The following OSR1 variants were observed in gnomAD, a reference collection of about 807,000 sequenced individuals.
OSR1 encodes the protein protein odd-skipped-related 1.
A neutral mutation model predicts 15.7 loss-of-function variants in OSR1; 3 were observed. The ratio of observed to expected loss-of-function variants is 0.19; its 90% CI spans 0.09 to 0.50. The LOEUF (loss-of-function observed/expected upper bound fraction) is 0.50. Ranked by LOEUF, OSR1 falls within the 20% of genes least tolerant of loss-of-function variation. OSR1 has a pLI of 0.97. For synonymous variants in OSR1, 166 were observed against 152.7 expected, an observed-to-expected ratio of 1.09 and a Z score of -0.64; for missense variants, 271 against 351.1, an observed-to-expected ratio of 0.77 and a Z score of 1.82.
At chr2:19,351,213 G>A (rs1008074249), downstream of OSR1, among the ~76,000 whole-genome samples, 4 of 152,176 alleles carry the variant, frequency 2.6e-5, no homozygotes, top group African/African-American at 9.6e-5. Flanking sequence ...TAGGTTCTTC[G>A]TAAACTCACA....
In OSR1 at chr2:19,353,215, G is replaced by A; in HGVS notation, c.591C>T (p.His197=). The change falls in exon 2 of 3, where the codon CAC becomes CAT. Residue 197 remains histidine, a synonymous_variant. Transcript: ENST00000272223. ...CACAGGTGTAGGGCCGCTCGTCGGT[G>A]TGCGTCCGCTCATGGATAAGTAGGT... ...SYNLLIHERT[H]TDERPYTCDI... 1 of 1,614,256 alleles carries A rather than the reference G, an allele frequency of 6.2e-7. No individual in the cohort carries two copies. Among genetic ancestry groups the A allele is most frequent in the Non-Finnish European group, 8.5e-7 (1 of 1,180,052 alleles).
chr2:19,347,911 G>A (rs912096691), downstream of OSR1, among the ~76,000 whole-genome samples: 2 of 152,218 alleles, frequency 1.3e-5, no homozygotes. Context: ...GGCTGGATGC[G>A]CCCGCCGGGC....
chr2:19,355,236 G>C (rs1664925074), intron 1 of OSR1: 1 of 152,346 alleles, frequency 6.6e-6, no homozygotes, highest in Non-Finnish European at 1.5e-5. Context: ...CTCTTGCCTA[G>C]CTTCAATCCC....
At chr2:19,355,005 G>T (rs1664921465) in intron 1 of OSR1, 1 of 152,260 alleles carries the variant, frequency 6.6e-6, no homozygotes, top group Admixed American at 6.5e-5. Flanking sequence ...CCTTGGCCAT[G>T]GTCTCCAGCC....
chr2:19,348,477 AT>A (rs1176508660), downstream of OSR1: 1 of 154,142 alleles, frequency 6.5e-6, no homozygotes. Flanking sequence ...GGAGGAGACC[AT>A]GACGTCACAG....
At chr2:19,353,064 T>G in intron 2 of OSR1, 77 bp downstream of exon 2, 3 of 1,534,318 alleles carry the variant, frequency 2.0e-6, no homozygotes, top group Non-Finnish European at 2.6e-6. Flanking sequence ...GTAGGGGGTC[T>G]CAAGAACCTC....
At chr2:19,347,120 G>A (rs1664746093), downstream of OSR1, among the ~76,000 whole-genome samples, 1 of 152,184 alleles carries the variant, frequency 6.6e-6, no homozygotes. Flanking sequence ...ATTTCAGGAT[G>A]CCTCTGTTAT....
At chr2:19,347,000 A>G (rs1664743804), downstream of OSR1, among the ~76,000 whole-genome samples, 1 of 152,142 alleles carries the variant, frequency 6.6e-6, no homozygotes, top group Non-Finnish European at 1.5e-5. Context: ...ACCAAACATA[A>G]CAATTTGTGA....
In OSR1 at chr2:19,352,221, C is replaced by T; in HGVS notation, c.*54G>A. ...GCCCGCCAGAGTCAGGCTTCTGGTC[C>T]CTATGGAGGAGAGGGCCGCTGGGCC... On this transcript the variant is annotated 3_prime_UTR_variant, in exon 3 of 3. Transcript: ENST00000272223. The T allele has an allele frequency of 6.3e-7, 1 of 1,583,824 alleles. No homozygotes were observed. The highest frequency in any genetic ancestry group is 8.6e-7 in the Non-Finnish European group (1 of 1,159,908).
At chr2:19,353,954 T>A in intron 1 of OSR1, 117 bp from the exon 2 acceptor site, 1 of 833,016 alleles carries the variant, frequency 1.2e-6, no homozygotes, top group Non-Finnish European at 1.8e-6. Context: ...GCGCAGGAGC[T>A]AAGAGTCTAA....
chr2:19,353,006 C>T, intron 2 of OSR1, 135 bp downstream of exon 2: 2 of 1,146,496 alleles, frequency 1.7e-6, no homozygotes, highest in Middle Eastern at 3.0e-4. Flanking sequence ...CCTAGGCTTT[C>T]CTTCTTGATT....
At chr2:19,347,993 T>A (rs1247661001), downstream of OSR1, among the ~76,000 whole-genome samples, 1 of 152,240 alleles carries the variant, frequency 6.6e-6, no homozygotes. Context: ...CGCACCGCCG[T>A]CAGCTTCCGG....
At chr2:19,354,092 C>T (rs916422457) in intron 1 of OSR1, 3 of 429,984 alleles carry the variant, frequency 7.0e-6, no homozygotes, top group African/African-American at 5.8e-5. Flanking sequence ...AGCCACACAA[C>T]TTGATAGAGG....
the OSR1 span, among the ~76,000 whole-genome samples, chr2:19,345,417 T>C: frequency 6.6e-6 from 1 of 152,056 alleles, no homozygotes. Flanking sequence ...GGTTTTCTTC[T>C]AGGGTTTTTA....
downstream of OSR1, among the ~76,000 whole-genome samples, chr2:19,349,144 C>T (rs984758710): frequency 1.3e-5 from 2 of 152,234 alleles, no homozygotes; most frequent in Non-Finnish European, 2.9e-5. Context: ...ACCCACCCAA[C>T]ATTTCTGACC....
downstream of OSR1, among the ~76,000 whole-genome samples, chr2:19,347,788 C>A (rs1479838995): frequency 1.3e-5 from 2 of 152,246 alleles, no homozygotes; most frequent in East Asian, 1.9e-4. Context: ...ATCCCAGGGG[C>A]CTCTGTAGGA....
At chr2:19,353,057 G>A in intron 2 of OSR1, 84 bp downstream of exon 2, 1 of 1,487,806 alleles carries the variant, frequency 6.7e-7, no homozygotes, top group Non-Finnish European at 9.1e-7. Flanking sequence ...GGAGCCAGTA[G>A]GGGGTCTCAA....
At chr2:19,346,321 T>G in the OSR1 span, among the ~76,000 whole-genome samples, 701 of 152,322 alleles carry the variant, frequency 4.6e-3, 6 homozygotes, top group African/African-American at 0.016. Context: ...GAGCTGGAAC[T>G]AGACTTAGCC....
the OSR1 span, among the ~76,000 whole-genome samples, chr2:19,345,111 C>T: frequency 0.019 from 2,896 of 152,030 alleles, 35 homozygotes; most frequent in Non-Finnish European, 0.029. Context: ...ATGACAGTTC[C>T]ACCATCACGG....
Sources: gnomAD v4.1 joint callset for allele counts (sites outside exome capture counted in the v4.1 genomes callset) on GRCh38, gnomAD v4.1.1 for gene constraint, MANE v1.5 for transcripts, NCBI Gene and HGNC (gene_info 2026-07-23, HGNC 2026-07-21) for gene names.